Variants in ZNF559 observed in about 807,000 individuals in gnomAD.
The protein encoded by ZNF559 is zinc finger protein 559.
In ZNF559, 17 loss-of-function variants were observed where a neutral mutation model predicts 14.2. That is an observed-to-expected ratio of 1.20 (90% CI 0.82 to 1.80). The LOEUF is 1.80. ZNF559 is among the 40% of genes most tolerant of loss of function. ZNF559 has a pLI of 0.00. For synonymous variants in ZNF559, 244 were observed against 212.4 expected (o/e 1.15, Z -1.29); for missense variants, 740 against 629.7 (o/e 1.18, Z -1.88).
chr19:9,332,345 A>G (rs62104837), intron 2 of ZNF559, among the ~76,000 whole-genome samples: 23 of 146,182 alleles, frequency 1.6e-4, no homozygotes, highest in South Asian at 8.5e-4. Flanking sequence ...ATACATATGT[A>G]TGTGTGTGTG....
At chr19:9,337,561 C>CTG (rs2067309038) in intron 2 of ZNF559, among the ~76,000 whole-genome samples, 1 of 152,130 alleles carries the variant, frequency 6.6e-6, no homozygotes, top group African/African-American at 2.4e-5. Context: ...TCAGAGTAAC[C>CTG]TGTATTCATA....
At chr19:9,337,577 G>T in intron 2 of ZNF559, 1 of 234,796 alleles carries the variant, frequency 4.3e-6, no homozygotes, top group Non-Finnish European at 8.5e-6. Flanking sequence ...TCATATCCTG[G>T]CTCACACTTT....
At position 9,345,418 on chromosome 19, in the gene ZNF559, A is replaced by G. The variant is rs2067706835; in HGVS notation, c.*2350A>G. On this transcript the variant is annotated 3_prime_UTR_variant, in exon 7 of 7. Transcript: ENST00000603380. ...TATGCCATTTGACATTTCCATGAGC[A>G]GTATATAAGAGTTGCAATTCTTCTG... 1 of 152,212 alleles carries G rather than the reference A, an allele frequency of 6.6e-6. No individual in the cohort carries two copies. The highest frequency in any genetic ancestry group is 1.5e-5 in the Non-Finnish European group (1 of 68,040). 9.4% of individuals were successfully genotyped at this position (152,212 alleles called of 1,614,324 possible).
At chr19:9,341,442 G>T in intron 6 of ZNF559, 1 of 779,372 alleles carries the variant, frequency 1.3e-6, no homozygotes, top group Non-Finnish European at 2.2e-6. Flanking sequence ...ATTCACTCTT[G>T]GGCCGTTATC....
rs758517888 is a variant in ZNF559 at position 9,342,405 on chromosome 19, T to G, written c.954T>G (p.Val318=). ...CFSKLNIHIR[V]HTGEKPYECN... is the part of the protein sequence containing the mutation. Reference sequence around the variant, plus strand: ...CAAAACTCAACATTCACATAAGGGTTCACACTGGAGAAAAACCGTATGAGT... The same window carrying G: ...CAAAACTCAACATTCACATAAGGGTGCACACTGGAGAAAAACCGTATGAGT... The change falls in exon 7 of 7, where the codon GTT becomes GTG. Residue 318 remains valine, a synonymous_variant. Coordinates refer to ENST00000603380, the MANE Select transcript of ZNF559 (RefSeq NM_032497.3). 1.2e-6 allele frequency: 2 copies of G among 1,614,062 alleles called. No homozygotes were observed. Among genetic ancestry groups the G allele is most frequent in the Admixed American group, 3.3e-5 (2 of 60,004 alleles).
rs915611362 is a variant in ZNF559, at chr19:9,345,176, G to C, written c.*2108G>C. 1 of 152,182 alleles carries C rather than the reference G, an allele frequency of 6.6e-6. No individual in the cohort carries two copies. Among genetic ancestry groups the C allele is most frequent in the Non-Finnish European group, 1.5e-5 (1 of 68,036 alleles). The allele number at this position is 152,182 out of a possible 1,614,324, so 9.4% of individuals were successfully genotyped here. ...ATGTTGTAGGGTCCATTTCACTGCTGAATAGTATTCCATTGCAAGGCATAC... is the reference window on the plus strand; with the variant it reads ...ATGTTGTAGGGTCCATTTCACTGCTCAATAGTATTCCATTGCAAGGCATAC... On this transcript the variant is annotated 3_prime_UTR_variant, in exon 7 of 7. Transcript: ENST00000603380.
intron 4 of ZNF559, 107 bp from the exon 5 acceptor site, chr19:9,339,083 TAGG>T (rs2067397806): frequency 2.0e-6 from 3 of 1,468,250 alleles, no homozygotes; most frequent in Non-Finnish European, 2.8e-6. Context: ...CATCAAGTGA[TAGG>T]AGACCAAAGA....
Position 9,342,947 on chromosome 19 carries a change from G to A in ZNF559, c.1496G>A (p.Gly499Glu), listed in dbSNP as rs1402996150. 6.2e-7 allele frequency: 1 copy of A among 1,614,110 alleles called. No homozygotes were observed. Among genetic ancestry groups the A allele is most frequent in the Non-Finnish European group, 8.5e-7 (1 of 1,180,056 alleles). ...CGGCCCTTTGAATGTCAGGAATGTGGGAAAGCCTTTACTCGGTCCACATAT... is the reference window on the plus strand; with the variant it reads ...CGGCCCTTTGAATGTCAGGAATGTGAGAAAGCCTTTACTCGGTCCACATAT... ...GERPFECQEC[G>E]KAFTRSTYLI... Residue 499 changes from glycine (G) to glutamate (E), a missense_variant, in exon 7 of 7, where the codon GGG becomes GAG. Transcript: ENST00000603380.
intron 1 of ZNF559, 77 bp downstream of exon 1, chr19:9,324,305 G>C (rs1161559373): frequency 6.5e-7 from 1 of 1,535,744 alleles, no homozygotes; most frequent in African/African-American, 1.4e-5. Flanking sequence ...GAAAGGGGAG[G>C]TGCCCAGTGA....
rs372880532 is a variant in ZNF559, at chr19:9,327,502, G to T, written c.-120+2722G>T. ...GACCTCAGGTGATCCTCCCGCCTCG[G>T]CCTCCCAAAGTGCTGGAATTACAGG... On this transcript the variant is annotated intron_variant, in intron 2 of 6. Coordinates refer to ENST00000603380, the MANE Select transcript of ZNF559 (RefSeq NM_032497.3). 4.7e-4 allele frequency among the ~76,000 whole-genome samples: 72 copies of T among 152,274 alleles called. 1 individual carries two copies. The highest frequency in any genetic ancestry group is 1.7e-3 in the African/African-American group (69 of 41,576).
chr19:9,336,144 G>T (rs2067224650), intron 2 of ZNF559, among the ~76,000 whole-genome samples: 1 of 152,112 alleles, frequency 6.6e-6, no homozygotes, highest in South Asian at 2.1e-4. Flanking sequence ...GTTTTCAAGT[G>T]TCTTATGGTT....
At chr19:9,334,780 A>G (rs2067136254) in intron 2 of ZNF559, among the ~76,000 whole-genome samples, 1 of 152,178 alleles carries the variant, frequency 6.6e-6, no homozygotes, top group Non-Finnish European at 1.5e-5. Flanking sequence ...GCAACATTTA[A>G]TGGGAAAAAA....
intron 6 of ZNF559, chr19:9,341,474 C>A: frequency 1.1e-6 from 1 of 873,514 alleles, no homozygotes; most frequent in Non-Finnish European, 1.8e-6. Context: ...ATTTAGAAGC[C>A]CTCTGAAAGT....
At position 9,339,296 on chromosome 19, in the gene ZNF559, A is replaced by G; in HGVS notation, c.137A>G (p.Asn46Ser). Residue 46 changes from asparagine to serine, a missense_variant, in exon 5 of 7, where the codon AAC (asparagine) becomes AGC (serine). By Grantham distance (46) the Asn-to-Ser change is conservative. Coordinates refer to ENST00000603380, the MANE Select transcript of ZNF559 (RefSeq NM_032497.3). Reference protein sequence around the residue: ...RNLYRDVMLENYKNLVAVDWE... With the variant: ...RNLYRDVMLESYKNLVAVDWE... ...TTATACAGAGATGTGATGCTGGAGAACTATAAGAATCTAGTTGCAGTAGGT... is the reference window on the plus strand; with the variant it reads ...TTATACAGAGATGTGATGCTGGAGAGCTATAAGAATCTAGTTGCAGTAGGT... 2 of 1,613,508 alleles carry G rather than the reference A, an allele frequency of 1.2e-6. No individual in the cohort carries two copies. Among genetic ancestry groups the G allele is most frequent in the Admixed American group, 1.7e-5 (1 of 59,944 alleles).
Position 9,342,187 on chromosome 19 carries a change from T to C in ZNF559, c.736T>C (p.Cys246Arg), listed in dbSNP as rs2067614654. ...AGAAAAATTCTATGAATGTAAAGCA[T>C]GTGGGAAACCCTTCACTGAGTCGTC... The part of the protein sequence containing the change: ...DGEKFYECKA[C>R]GKPFTESSYL... Residue 246 changes from cysteine (C) to arginine (R), a missense_variant, in exon 7 of 7, where the codon TGT (cysteine) becomes CGT (arginine). Physicochemically the swap from Cys to Arg is radical, Grantham distance 180. Transcript: ENST00000603380. 6.2e-7 allele frequency: 1 copy of C among 1,607,966 alleles called. No individual in the cohort carries two copies. Among genetic ancestry groups the C allele is most frequent in the African/African-American group, 1.3e-5 (1 of 74,610 alleles).
chr19:9,329,472 C>A (rs2066821955), intron 2 of ZNF559, among the ~76,000 whole-genome samples: 1 of 152,026 alleles, frequency 6.6e-6, no homozygotes, highest in African/African-American at 2.4e-5. Flanking sequence ...ATAAATTGGT[C>A]CATTTATTAT....
intron 2 of ZNF559, among the ~76,000 whole-genome samples, chr19:9,331,679 C>T (rs1027670253): frequency 6.6e-6 from 1 of 152,260 alleles, no homozygotes; most frequent in South Asian, 2.1e-4. Flanking sequence ...GGTATAAATG[C>T]AACTGTTCTC....
At chr19:9,337,617 C>T in intron 2 of ZNF559, 179 bp from the exon 3 acceptor site, 1 of 262,524 alleles carries the variant, frequency 3.8e-6, no homozygotes, top group South Asian at 5.1e-5. Flanking sequence ...TAATTAGTGT[C>T]TGAGCTTAGG....
In ZNF559 at chr19:9,343,093, TGTG is replaced by T; in HGVS notation, c.*28_*30del. 1 of 1,588,188 alleles carries T rather than the reference TGTG, an allele frequency of 6.3e-7. No homozygotes were observed. The highest frequency in any genetic ancestry group is 1.3e-5 in the African/African-American group (1 of 74,660). On this transcript the variant is annotated 3_prime_UTR_variant, in exon 7 of 7. Transcript: ENST00000603380. ...AATTGGGGCTGATACTTGGAAAGAATGTGGTAAAGCCACTACTTCCTCACACTT... is the reference window on the plus strand; with the variant it reads ...AATTGGGGCTGATACTTGGAAAGAATGTAAAGCCACTACTTCCTCACACTT...
Sources: allele counts gnomAD v4.1 joint callset (sites outside exome capture counted in the v4.1 genomes callset), GRCh38; gene constraint gnomAD v4.1.1; transcripts MANE v1.5; gene names NCBI Gene and HGNC (gene_info 2026-07-23, HGNC 2026-07-21).